The following DOCK1 variants were observed in gnomAD, a reference collection of about 807,000 sequenced individuals.
The protein encoded by DOCK1 is dedicator of cytokinesis protein 1.
DOCK1 carries 138 observed loss-of-function variants against 262.7 expected under a neutral mutation model. That is an observed-to-expected ratio of 0.53 (90% CI 0.46 to 0.61). The LOEUF is 0.61. Ranked by LOEUF, DOCK1 falls within the 20% of genes least tolerant of loss-of-function variation. DOCK1 has a pLI of 0.00. For missense variants in DOCK1, 1,908 were observed against 2,370.7 expected (o/e 0.80, Z 4.05); for synonymous variants, 866 against 867.4 (o/e 1.00, Z 0.03).
intron 1 of DOCK1, among the ~76,000 whole-genome samples, chr10:126,959,874 ATGGTGCAATCTCGGCTCACTGCAACC>A (rs2037060116): frequency 6.6e-6 from 1 of 151,754 alleles, no homozygotes; most frequent in African/African-American, 2.4e-5. Flanking sequence ...CTGGAGTGCA[ATGGTGCAATCTCGGCTCACTGCAACC>A]CCCGCCTCCC....
chr10:127,096,128 A>T (rs2047896421), intron 23 of DOCK1, among the ~76,000 whole-genome samples: 1 of 152,220 alleles, frequency 6.6e-6, no homozygotes, highest in Non-Finnish European at 1.5e-5. Context: ...GATATAAGGG[A>T]TTGAAGCAAT....
chr10:126,953,277 T>G (rs1443270873), intron 1 of DOCK1, among the ~76,000 whole-genome samples: 1 of 149,336 alleles, frequency 6.7e-6, no homozygotes, highest in South Asian at 2.1e-4. Flanking sequence ...GGTGGTAGTG[T>G]TGTGGTGTGG....
intron 27 of DOCK1, among the ~76,000 whole-genome samples, chr10:127,221,132 A>G (rs1036950883): frequency 6.6e-6 from 1 of 152,228 alleles, no homozygotes; most frequent in Non-Finnish European, 1.5e-5. Flanking sequence ...TCAATTAGCT[A>G]TGGAAAGTAC....
chr10:127,065,434 G>A lies in DOCK1; in HGVS notation c.2445+3658G>A, dbSNP rs116178218. Among the ~76,000 whole-genome samples, 751 of 152,186 alleles carry A rather than the reference G, an allele frequency of 4.9e-3. 5 individuals are homozygous for A. The highest frequency in any genetic ancestry group is 0.017 in the African/African-American group (722 of 41,496). On this transcript the variant is annotated intron_variant, in intron 23 of 51. Coordinates refer to ENST00000623213, the MANE Select transcript of DOCK1 (RefSeq NM_001290223.2). ...TGTGTCTCGTGCACATTTTGCCTCC[G>A]CACCTGTCCCTGGATAGAGGCTCGG...
intron 23 of DOCK1, among the ~76,000 whole-genome samples, chr10:127,070,175 C>G (rs980845126): frequency 1.3e-5 from 2 of 149,740 alleles, no homozygotes; most frequent in Admixed American, 6.6e-5. Context: ...GGCCTCAGGT[C>G]AACTTGATTA....
intron 1 of DOCK1, among the ~76,000 whole-genome samples, chr10:126,948,701 C>G (rs1450691753): frequency 6.6e-6 from 1 of 151,946 alleles, no homozygotes; most frequent in Non-Finnish European, 1.5e-5. Flanking sequence ...CCTCTCGGAG[C>G]CTGTGATGCG....
chr10:127,391,952 G>A (rs1291720710), intron 38 of DOCK1, among the ~76,000 whole-genome samples: 2 of 151,712 alleles, frequency 1.3e-5, no homozygotes, highest in African/African-American at 2.4e-5. Flanking sequence ...CTCTGCAGGC[G>A]ATCCAGGCCT....
At chr10:127,237,585 C>T (rs1247573661) in intron 27 of DOCK1, among the ~76,000 whole-genome samples, 1 of 152,082 alleles carries the variant, frequency 6.6e-6, no homozygotes, top group Admixed American at 6.6e-5. Flanking sequence ...TGTGCAAAAG[C>T]AACAAAGCCC....
chr10:127,283,911 G>T (rs1448553923), intron 29 of DOCK1, among the ~76,000 whole-genome samples: 1 of 152,102 alleles, frequency 6.6e-6, no homozygotes, highest in Non-Finnish European at 1.5e-5. Context: ...TCGGATTACT[G>T]GGGCTCGATA....
At position 127,176,500 on chromosome 10, in the gene DOCK1, C is replaced by G; in HGVS notation, c.2847+48736C>G. On this transcript the variant is annotated intron_variant, in intron 27 of 51. Coordinates refer to ENST00000623213, the MANE Select transcript of DOCK1 (RefSeq NM_001290223.2). The surrounding 1 kb of genome is among the most constrained non-coding windows in gnomAD (Gnocchi z 4.4). The stretch of plus-strand genomic sequence containing the variant: ...AGCCACCACGACGACTGCCTGTTTC[C>G]TAATTATATTTAAGCAGGTGAGGTC... 1.0e-6 allele frequency: 1 copy of G among 981,084 alleles called. No homozygotes were observed. Among genetic ancestry groups the G allele is most frequent in the Non-Finnish European group, 1.5e-6 (1 of 667,014 alleles). The allele number at this position is 981,084 out of a possible 1,614,324, so 60.8% of individuals were successfully genotyped here.
At chr10:126,997,589 A>G (rs2040299395) in intron 7 of DOCK1, among the ~76,000 whole-genome samples, 1 of 152,076 alleles carries the variant, frequency 6.6e-6, no homozygotes, top group South Asian at 2.1e-4. Flanking sequence ...GTGCTAAACC[A>G]TTCATGAAAA....
At chr10:127,074,215 G>A (rs1008120954) in intron 23 of DOCK1, among the ~76,000 whole-genome samples, 2 of 152,178 alleles carry the variant, frequency 1.3e-5, no homozygotes, top group African/African-American at 4.8e-5. Flanking sequence ...AGTTATATGA[G>A]TTTGGATTTC....
intron 23 of DOCK1, among the ~76,000 whole-genome samples, chr10:127,069,916 C>T (rs1045036335): frequency 8.5e-5 from 13 of 152,112 alleles, no homozygotes; most frequent in Non-Finnish European, 1.9e-4. Context: ...TTTCTTCTCT[C>T]AGAGCCTTGG....
At chr10:127,352,273 G>A (rs1401541196) in intron 31 of DOCK1, among the ~76,000 whole-genome samples, 1 of 100,320 alleles carries the variant, frequency 1.0e-5, no homozygotes, top group Non-Finnish European at 2.1e-5. Context: ...GGGAGGGGTG[G>A]GGAGGGGTGG....
intron 1 of DOCK1, among the ~76,000 whole-genome samples, chr10:126,953,017 ATTG>A (rs1241846939): frequency 6.6e-6 from 1 of 150,850 alleles, no homozygotes; most frequent in Non-Finnish European, 1.5e-5. Context: ...TGGTGGTAGT[ATTG>A]TTGGTGCTGC....
chr10:127,152,058 T>C (rs1765094571), intron 27 of DOCK1, among the ~76,000 whole-genome samples: 1 of 152,146 alleles, frequency 6.6e-6, no homozygotes, highest in Non-Finnish European at 1.5e-5. Context: ...ATTACGTAGG[T>C]TTAGGCTGAA....
At chr10:127,117,055 A>C (rs1205681462) in intron 25 of DOCK1, among the ~76,000 whole-genome samples, 1 of 152,186 alleles carries the variant, frequency 6.6e-6, no homozygotes, top group South Asian at 2.1e-4. Flanking sequence ...GTTTTTGAAA[A>C]GACCATTTGT....
chr10:127,225,773 C>T (rs2134487758), intron 27 of DOCK1, among the ~76,000 whole-genome samples: 1 of 152,204 alleles, frequency 6.6e-6, no homozygotes, highest in African/African-American at 2.4e-5. Context: ...CATATCAAAC[C>T]TGATGTACCC....
chr10:126,937,616 A>G (rs1423547175), intron 1 of DOCK1, among the ~76,000 whole-genome samples: 1 of 147,366 alleles, frequency 6.8e-6, no homozygotes, highest in Non-Finnish European at 1.5e-5. Flanking sequence ...AGTGATGTTG[A>G]GCTTTTTTTT....
Sources: gnomAD v4.1 joint callset for allele counts (sites outside exome capture counted in the v4.1 genomes callset) on GRCh38, gnomAD v4.1.1 for gene constraint, Gnocchi (gnomAD v3.1) non-coding constraint, MANE v1.5 for transcripts, NCBI Gene and HGNC (gene_info 2026-07-23, HGNC 2026-07-21) for gene names.